TENM2: variants seen among roughly 807,000 people sequenced by gnomAD.
TENM2 encodes teneurin-2.
In TENM2, 52 loss-of-function variants were observed where a neutral mutation model predicts 245.2. That is an observed-to-expected ratio of 0.21 (90% confidence interval 0.17 to 0.27). TENM2 has a LOEUF of 0.27. Among genes scored for constraint, TENM2 ranks in the 10% least tolerant of loss-of-function variants. The probability of loss-of-function intolerance (pLI) is 1.00; values close to 1 mark genes in which losing one functional copy is unlikely to be tolerated. For missense variants in TENM2, 3,046 were observed against 3,666.8 expected, an observed-to-expected ratio of 0.83 and a Z score of 4.37; for synonymous variants, 1,363 against 1,438.9, an observed-to-expected ratio of 0.95 and a Z score of 1.19.
chr5:167,864,106 T>A (rs2151303972), intron 2 of TENM2, among the ~76,000 whole-genome samples: 1 of 152,210 alleles, frequency 6.6e-6, no homozygotes. Flanking sequence ...ACGGGTGGGG[T>A]ACTGTGAGCG....
chr5:168,118,393 C>G, exon 10 of TENM2: 1 of 1,611,720 alleles, frequency 6.2e-7, no homozygotes, highest in Non-Finnish European at 8.5e-7. Flanking sequence ...GCCCATGAAT[C>G]AGTGCATCGA....
chr5:167,176,353 GC>G, the TENM2 span, among the ~76,000 whole-genome samples: 1 of 152,144 alleles, frequency 6.6e-6, no homozygotes, highest in African/African-American at 2.4e-5. Flanking sequence ...TGAACCATCA[GC>G]CAGCTAGGGC....
chr5:167,642,314 A>G (rs1487885510), intron 2 of TENM2, among the ~76,000 whole-genome samples: 2 of 152,124 alleles, frequency 1.3e-5, no homozygotes, highest in African/African-American at 4.8e-5. Flanking sequence ...GAAGGAGACA[A>G]TGAATGTGAG....
chr5:168,015,659 T>C (rs1425080265), intron 5 of TENM2, among the ~76,000 whole-genome samples: 3 of 152,198 alleles, frequency 2.0e-5, no homozygotes, highest in Non-Finnish European at 4.4e-5. Context: ...ATTTGTCCAC[T>C]TCATGATTGC....
intron 2 of TENM2, among the ~76,000 whole-genome samples, chr5:167,467,505 C>T (rs1766738771): frequency 1.1e-5 from 1 of 87,164 alleles, no homozygotes; most frequent in Non-Finnish European, 2.4e-5. Context: ...GTCATTATTA[C>T]TCTTGTTTGA....
intron 2 of TENM2, among the ~76,000 whole-genome samples, chr5:167,416,773 C>T (rs1763191962): frequency 6.6e-6 from 1 of 152,102 alleles, no homozygotes; most frequent in Non-Finnish European, 1.5e-5. Flanking sequence ...TGCTTACTGA[C>T]ATTCTAACTC....
intron 3 of TENM2, among the ~76,000 whole-genome samples, chr5:167,929,238 G>A (rs1015747466): frequency 6.9e-6 from 1 of 145,356 alleles, no homozygotes; most frequent in East Asian, 2.2e-4. Context: ...AGGGAGGAAG[G>A]CAGGCAGGCA....
Position 167,640,510 on chromosome 5 carries a change from C to T in TENM2, c.503-235476C>T, listed in dbSNP as rs190548234. On this transcript the variant is annotated intron_variant, in intron 2 of 28. Coordinates refer to ENST00000518659, the Ensembl canonical transcript of TENM2. Reference sequence around the variant, plus strand: ...GCACATGCCTGTAATTCCAGCTACTCGGGAGGCTGAGGCAGGAGAATTGCT... The same window carrying T: ...GCACATGCCTGTAATTCCAGCTACTTGGGAGGCTGAGGCAGGAGAATTGCT... Among the ~76,000 whole-genome samples the T allele has an allele frequency of 1.0e-2, 1,503 of 150,810 alleles. 7 individuals are homozygous for T. Among genetic ancestry groups the T allele is most frequent in the Non-Finnish European group, 0.017 (1,151 of 67,784 alleles).
intron 27 of TENM2, among the ~76,000 whole-genome samples, chr5:168,251,984 A>G (rs1206062062): frequency 6.6e-6 from 1 of 152,246 alleles, no homozygotes. Flanking sequence ...CTTCTCACTT[A>G]CAGGCTGCAA....
chr5:167,132,502 CT>C, the TENM2 span, among the ~76,000 whole-genome samples: 1 of 152,014 alleles, frequency 6.6e-6, no homozygotes, highest in African/African-American at 2.4e-5. Context: ...TTCCTTCCCC[CT>C]GAGAAGAAAT....
chr5:167,474,356 C>G (rs1288632242), intron 2 of TENM2, among the ~76,000 whole-genome samples: 2 of 152,122 alleles, frequency 1.3e-5, no homozygotes, highest in Non-Finnish European at 2.9e-5. Flanking sequence ...TCACCTCAGT[C>G]TGAGGGTTTG....
chr5:167,517,036 TG>T (rs1254442945), intron 2 of TENM2, among the ~76,000 whole-genome samples: 1 of 152,218 alleles, frequency 6.6e-6, no homozygotes, highest in Non-Finnish European at 1.5e-5. Context: ...TTTTAAAAAA[TG>T]TGTACGAGAA....
chr5:167,082,037 G>T, the TENM2 span, among the ~76,000 whole-genome samples: 1 of 152,282 alleles, frequency 6.6e-6, no homozygotes, highest in African/African-American at 2.4e-5. Flanking sequence ...ACAGCTCTAT[G>T]AGTGTAAAAG....
Position 167,635,951 on chromosome 5 carries a change from T to G in TENM2, c.503-240035T>G, listed in dbSNP as rs563014659. Among the ~76,000 whole-genome samples, 4 of 152,280 alleles carry G rather than the reference T, an allele frequency of 2.6e-5. No homozygotes were observed. In the South Asian group the frequency reaches 8.3e-4, roughly 32 times the overall value. On this transcript the variant is annotated intron_variant, in intron 2 of 28. Coordinates refer to ENST00000518659, the Ensembl canonical transcript of TENM2. ...GAGTCACAGCGCCCGGCCCAGTCTT[T>G]TCTTAAGATCACACACTTAACTTTA... is the stretch of plus-strand genomic sequence containing the variant.
chr5:167,966,289 G>A (rs750494878), intron 4 of TENM2, among the ~76,000 whole-genome samples: 34 of 152,196 alleles, frequency 2.2e-4, no homozygotes, highest in African/African-American at 6.3e-4. Flanking sequence ...TCTGCAACTC[G>A]TAGGATCTTT....
intron 2 of TENM2, among the ~76,000 whole-genome samples, chr5:167,518,643 A>T (rs780605651): frequency 6.6e-6 from 1 of 152,188 alleles, no homozygotes; most frequent in Non-Finnish European, 1.5e-5. Context: ...TGTTCCTGGC[A>T]GTATCATTTA....
chr5:167,124,656 AG>A, the TENM2 span, among the ~76,000 whole-genome samples: 12 of 152,122 alleles, frequency 7.9e-5, no homozygotes, highest in Non-Finnish European at 1.5e-4. Context: ...AGATGCTATG[AG>A]GGTTATAATG....
chr5:167,286,962 A>G (rs1754307527), intron 1 of TENM2, among the ~76,000 whole-genome samples: 1 of 152,238 alleles, frequency 6.6e-6, no homozygotes, highest in African/African-American at 2.4e-5. Context: ...GCAATTAACA[A>G]TTCACACATG....
chr5:167,760,893 CGCCCACCTTGGCCTCCCAAA>C (rs59425861), intron 2 of TENM2, among the ~76,000 whole-genome samples: 2,805 of 152,150 alleles, frequency 0.018, 87 homozygotes, highest in East Asian at 0.15. Flanking sequence ...TCAGGTGATC[CGCCCACCTTGGCCTCCCAAA>C]GTGCTGGGAT....
Sources: gnomAD v4.1 joint callset for allele counts (sites outside exome capture counted in the v4.1 genomes callset) on GRCh38, gnomAD v4.1.1 for gene constraint, MANE v1.5 for transcripts, NCBI Gene and HGNC (gene_info 2026-07-23, HGNC 2026-07-21) for gene names.